Variants in SWAP70 observed in about 807,000 individuals in gnomAD.
SWAP70 encodes switching B cell complex subunit SWAP70, also known as switch-associated protein 70.
SWAP70 carries 34 observed loss-of-function variants against 80.2 expected under a neutral mutation model. The ratio of observed to expected loss-of-function variants is 0.42; its 90% CI spans 0.32 to 0.56. SWAP70 has a LOEUF of 0.56. Among genes scored for constraint, SWAP70 ranks in the 20% least tolerant of loss-of-function variants. SWAP70 has a pLI of 0.09. For synonymous variants in SWAP70, 239 were observed against 238.5 expected, an observed-to-expected ratio of 1.00 and a Z score of -0.02; for missense variants, 578 against 690.7, an observed-to-expected ratio of 0.84 and a Z score of 1.83.
At chr11:9,744,164 G>A (rs919380578) in intron 9 of SWAP70, among the ~76,000 whole-genome samples, 3 of 152,016 alleles carry the variant, frequency 2.0e-5, no homozygotes, top group Non-Finnish European at 1.5e-5. Flanking sequence ...GGGTTTAACC[G>A]TGTTAGCCGG....
rs1390663131 is a variant in SWAP70, at chr11:9,751,523, C to G, written c.*1553C>G. On this transcript the variant is annotated 3_prime_UTR_variant, in exon 12 of 12. Transcript: ENST00000318950. ...GTTGTTGCAAAAAAAGGGCAGAATTCAGTAGAATAAAGTCCTTTTCTCTTA... is the reference window on the plus strand; with the variant it reads ...GTTGTTGCAAAAAAAGGGCAGAATTGAGTAGAATAAAGTCCTTTTCTCTTA... 6.6e-6 allele frequency: 1 copy of G among 152,146 alleles called. No individual in the cohort carries two copies. The highest frequency in any genetic ancestry group is 6.5e-5 in the Admixed American group (1 of 15,276). 9.4% of individuals were successfully genotyped at this position (152,146 alleles called of 1,614,324 possible).
intron 9 of SWAP70, among the ~76,000 whole-genome samples, chr11:9,744,203 C>T (rs1851481208): frequency 6.6e-6 from 1 of 152,184 alleles, no homozygotes; most frequent in Non-Finnish European, 1.5e-5. Flanking sequence ...ACCTCGTGAT[C>T]CACCCGCCTC....
At chr11:9,707,552 CTTTTCTTTTT>C (rs1169394097) in intron 2 of SWAP70, among the ~76,000 whole-genome samples, 1 of 132,280 alleles carries the variant, frequency 7.6e-6, no homozygotes, top group Non-Finnish European at 1.6e-5. Flanking sequence ...TTTTCTTTTT[CTTTTCTTTTT>C]TTTTTTTTTT....
At chr11:9,684,961 A>G (rs1850612840) in intron 1 of SWAP70, among the ~76,000 whole-genome samples, 1 of 152,232 alleles carries the variant, frequency 6.6e-6, no homozygotes, top group African/African-American at 2.4e-5. Flanking sequence ...AGGAACTTAC[A>G]GAGTAGTGAG....
chr11:9,725,530 A>AAAATATATATATAT (rs1440784787), intron 4 of SWAP70, among the ~76,000 whole-genome samples: 1 of 60,576 alleles, frequency 1.7e-5, no homozygotes, highest in African/African-American at 6.7e-5. Context: ...AAAAATACAA[A>AAAATATATATATAT]ATATATATAT....
chr11:9,714,449 T>C (rs147281508), intron 3 of SWAP70, among the ~76,000 whole-genome samples: 79 of 152,368 alleles, frequency 5.2e-4, no homozygotes, highest in Non-Finnish European at 2.8e-4. Flanking sequence ...TCAGTAACTC[T>C]TAAGACTACT....
intron 9 of SWAP70, among the ~76,000 whole-genome samples, chr11:9,745,486 A>G (rs1192906040): frequency 6.6e-6 from 1 of 152,264 alleles, no homozygotes; most frequent in Non-Finnish European, 1.5e-5. Flanking sequence ...TACAGGATCC[A>G]GGAGACTTGG....
chr11:9,688,689 G>A (rs183839614), intron 1 of SWAP70, among the ~76,000 whole-genome samples: 103 of 152,280 alleles, frequency 6.8e-4, no homozygotes, highest in African/African-American at 2.4e-3. Context: ...TTTGGTGTAA[G>A]TGTCTAGGAT....
In SWAP70 at chr11:9,724,903, G is replaced by T; in HGVS notation, c.642+18G>T. ...TAAAGCAGGTAAGAATTCTGTTACT[G>T]TTTTTTTTTCTCATCTTTAGAATTT... is the stretch of plus-strand genomic sequence containing the variant. On this transcript the variant is annotated intron_variant, in intron 4 of 11. Coordinates refer to ENST00000318950, the MANE Select transcript of SWAP70 (RefSeq NM_015055.4). 1.4e-6 allele frequency: 2 copies of T among 1,422,790 alleles called. No individual in the cohort carries two copies. Among genetic ancestry groups the T allele is most frequent in the South Asian group, 1.3e-5 (1 of 79,166 alleles). 88.1% of individuals were successfully genotyped at this position (1,422,790 alleles called of 1,614,324 possible).
chr11:9,725,047 T>G, intron 4 of SWAP70, 162 bp downstream of exon 4: 1 of 597,926 alleles, frequency 1.7e-6, no homozygotes, highest in African/African-American at 1.9e-5. Flanking sequence ...TCGCCCAGTC[T>G]GGAGTGCAGT....
chr11:9,742,524 A>T (rs1205109607), intron 9 of SWAP70, among the ~76,000 whole-genome samples: 2 of 151,756 alleles, frequency 1.3e-5, no homozygotes, highest in Admixed American at 6.6e-5. Context: ...TTTAGTAGAG[A>T]TGGGGTTTTG....
At position 9,667,925 on chromosome 11, in the gene SWAP70, A is replaced by G. The variant is rs560906093; in HGVS notation, c.99+3647A>G. On this transcript the variant is annotated intron_variant, in intron 1 of 11. Transcript: ENST00000318950. ...TTTTTTTGAGACGGAGTGTCGCTTT[A>G]TCACCCAGGCTGGAGTGCAGTGGTG... Among the ~76,000 whole-genome samples the G allele has an allele frequency of 4.9e-4, 74 of 151,528 alleles. 1 individual carries two copies. Among genetic ancestry groups the G allele is most frequent in the African/African-American group, 1.7e-3 (70 of 41,268 alleles).
chr11:9,742,424 C>A (rs1319792281), intron 9 of SWAP70, among the ~76,000 whole-genome samples: 1 of 151,822 alleles, frequency 6.6e-6, no homozygotes, highest in Non-Finnish European at 1.5e-5. Context: ...GCAATCTCCG[C>A]CTCCTGGGTT....
intron 2 of SWAP70, among the ~76,000 whole-genome samples, chr11:9,710,812 T>A (rs1399694112): frequency 6.6e-6 from 1 of 151,834 alleles, no homozygotes; most frequent in East Asian, 1.9e-4. Context: ...CCTGAGTAGC[T>A]GGGACCACAG....
Position 9,732,738 on chromosome 11 carries a change from G to C in SWAP70, c.1080+28G>C, listed in dbSNP as rs1401176653. On this transcript the variant is annotated intron_variant, in intron 7 of 11. Transcript: ENST00000318950. ...GGGAATGGGCGCTGGGCTGGGAGAG[G>C]GCCCTTCATTCCCCTGCAGAAGCCA... is the stretch of plus-strand genomic sequence containing the variant. 5.3e-6 allele frequency: 8 copies of C among 1,521,058 alleles called. No homozygotes were observed. The African/African-American group carries it at 8.4e-5, about 16-fold the overall frequency. The allele number at this position is 1,521,058 out of a possible 1,614,324, so 94.2% of individuals were successfully genotyped here.
chr11:9,718,553 AT>A (rs780357357), intron 3 of SWAP70, among the ~76,000 whole-genome samples: 13 of 152,226 alleles, frequency 8.5e-5, no homozygotes, highest in Admixed American at 2.0e-4. Context: ...CAAAAACTAT[AT>A]TTGGACTGAT....
At chr11:9,667,219 G>A (rs1246055357) in intron 1 of SWAP70, among the ~76,000 whole-genome samples, 2 of 146,010 alleles carry the variant, frequency 1.4e-5, no homozygotes, top group African/African-American at 4.9e-5. Flanking sequence ...CTAGAACCAA[G>A]ATTTTCACAC....
chr11:9,668,390 A>G (rs1475743041), intron 1 of SWAP70, among the ~76,000 whole-genome samples: 2 of 152,160 alleles, frequency 1.3e-5, no homozygotes, highest in South Asian at 2.1e-4. Flanking sequence ...CAACTGTGCA[A>G]TTGTATTTTG....
At chr11:9,670,419 C>T (rs1175215108) in intron 1 of SWAP70, among the ~76,000 whole-genome samples, 2 of 152,068 alleles carry the variant, frequency 1.3e-5, no homozygotes, top group Non-Finnish European at 2.9e-5. Flanking sequence ...TGCAGTGATG[C>T]AGTTTTGAAC....
Sources: allele counts gnomAD v4.1 joint callset (sites outside exome capture counted in the v4.1 genomes callset), GRCh38; gene constraint gnomAD v4.1.1; transcripts MANE v1.5; gene names NCBI Gene and HGNC (gene_info 2026-07-23, HGNC 2026-07-21).